The following SOX6 variants were observed in gnomAD, a reference collection of about 807,000 sequenced individuals.
SOX6 encodes the protein transcription factor SOX-6.
SOX6 carries 11 observed loss-of-function variants against 97.8 expected under a neutral mutation model. The observed-to-expected ratio is 0.11, with a 90% CI of 0.07 to 0.19. The LOEUF (loss-of-function observed/expected upper bound fraction) is 0.19, where lower values mean the gene tolerates loss of function less well. Ranked by LOEUF, SOX6 falls within the 10% of genes least tolerant of loss-of-function variation. SOX6 has a pLI of 1.00. For missense variants in SOX6, 810 were observed against 1,039.5 expected (o/e 0.78, Z 3.04); for synonymous variants, 360 against 371.4 (o/e 0.97, Z 0.35).
At chr11:16,667,463 T>G (rs1462043904) in intron 3 of SOX6, among the ~76,000 whole-genome samples, 1 of 150,356 alleles carries the variant, frequency 6.7e-6, no homozygotes, top group Non-Finnish European at 1.5e-5. Context: ...ACAAAGGAGC[T>G]CCAATATGTC....
intron 3 of SOX6, among the ~76,000 whole-genome samples, chr11:16,642,361 A>C (rs1848931508): frequency 6.6e-6 from 1 of 151,606 alleles, no homozygotes; most frequent in Admixed American, 6.6e-5. Context: ...TTTTTCCTTC[A>C]TTTCAACTTT....
chr11:16,141,715 C>A (rs1292465085), intron 6 of SOX6, among the ~76,000 whole-genome samples: 1 of 152,202 alleles, frequency 6.6e-6, no homozygotes, highest in East Asian at 1.9e-4. Context: ...TATTCGGCGC[C>A]TGGCTCAGAG....
chr11:16,502,823 C>T (rs1860728576), intron 4 of SOX6, among the ~76,000 whole-genome samples: 1 of 152,002 alleles, frequency 6.6e-6, no homozygotes, highest in African/African-American at 2.4e-5. Context: ...CTAAAAACTC[C>T]CCACATCTAG....
chr11:16,721,151 C>T (rs188098353), intron 2 of SOX6, among the ~76,000 whole-genome samples: 1 of 152,214 alleles, frequency 6.6e-6, no homozygotes, highest in Non-Finnish European at 1.5e-5. Flanking sequence ...AAGGCAAGGA[C>T]GCTTGATTAA....
At chr11:16,379,283 A>G (rs1288575982) in intron 1 of SOX6, among the ~76,000 whole-genome samples, 4 of 152,104 alleles carry the variant, frequency 2.6e-5, no homozygotes, top group Non-Finnish European at 4.4e-5. Flanking sequence ...CCTGACCAAC[A>G]TGGAGAAACC....
intron 4 of SOX6, among the ~76,000 whole-genome samples, chr11:16,215,754 C>T (rs1259208677): frequency 6.6e-6 from 1 of 152,050 alleles, no homozygotes; most frequent in Non-Finnish European, 1.5e-5. Flanking sequence ...AAATTATAGG[C>T]TTTTTCTGTA....
intron 15 of SOX6, among the ~76,000 whole-genome samples, chr11:15,977,110 C>T (rs538180456): frequency 1.3e-5 from 2 of 152,174 alleles, no homozygotes; most frequent in African/African-American, 4.8e-5. Flanking sequence ...TTTATCTACC[C>T]CCTGCCTGAT....
At chr11:16,158,691 G>GA in intron 6 of SOX6, among the ~76,000 whole-genome samples, 1 of 151,900 alleles carries the variant, frequency 6.6e-6, no homozygotes. Flanking sequence ...TAGGAATTCA[G>GA]AAAAAAGATC....
chr11:16,393,979 A>T (rs910910473), intron 1 of SOX6, among the ~76,000 whole-genome samples: 29 of 151,940 alleles, frequency 1.9e-4, no homozygotes, highest in Admixed American at 1.2e-3. Context: ...TTAAAAAGGA[A>T]AAACAAGGTT....
chr11:16,162,088 A>T (rs1850764094), intron 6 of SOX6, among the ~76,000 whole-genome samples: 1 of 152,332 alleles, frequency 6.6e-6, no homozygotes, highest in African/African-American at 2.4e-5. Flanking sequence ...TCAAAACTTT[A>T]AGTTCAGGAT....
intron 9 of SOX6, among the ~76,000 whole-genome samples, chr11:16,072,468 CT>C (rs1329104671): frequency 6.6e-6 from 1 of 152,160 alleles, no homozygotes; most frequent in African/African-American, 2.4e-5. Flanking sequence ...AAATCTATGA[CT>C]CTTTGATGCC....
At chr11:16,381,924 T>G (rs1018651404) in intron 1 of SOX6, among the ~76,000 whole-genome samples, 2 of 151,962 alleles carry the variant, frequency 1.3e-5, no homozygotes, top group African/African-American at 2.4e-5. Flanking sequence ...TAAAACAATT[T>G]GTTAAGGTAG....
At chr11:16,035,175 T>G (rs1259328440) in intron 12 of SOX6, among the ~76,000 whole-genome samples, 2 of 152,160 alleles carry the variant, frequency 1.3e-5, no homozygotes, top group Non-Finnish European at 2.9e-5. Flanking sequence ...TGTGTGACCT[T>G]CTTTTCAAGG....
chr11:16,428,305 T>G (rs1859194811), intron 1 of SOX6, among the ~76,000 whole-genome samples: 1 of 151,884 alleles, frequency 6.6e-6, no homozygotes, highest in African/African-American at 2.4e-5. Flanking sequence ...TAGTTTCTTT[T>G]GCTGTGCAGA....
At chr11:16,114,541 A>T (rs1165781593) in intron 6 of SOX6, among the ~76,000 whole-genome samples, 1 of 152,176 alleles carries the variant, frequency 6.6e-6, no homozygotes, top group Non-Finnish European at 1.5e-5. Context: ...ACTAGAAATT[A>T]TCAAATTACT....
At chr11:16,609,510 T>C (rs926355423) in intron 4 of SOX6, among the ~76,000 whole-genome samples, 2 of 152,214 alleles carry the variant, frequency 1.3e-5, no homozygotes, top group African/African-American at 2.4e-5. Flanking sequence ...GAAAGTTTCA[T>C]GGCAATCTAA....
intron 4 of SOX6, among the ~76,000 whole-genome samples, chr11:16,548,305 G>A (rs1055309318): frequency 6.6e-6 from 1 of 152,126 alleles, no homozygotes; most frequent in African/African-American, 2.4e-5. Flanking sequence ...AATACAGAAT[G>A]GCAATGTAGA....
At chr11:16,594,864 G>C (rs1848194139) in intron 4 of SOX6, among the ~76,000 whole-genome samples, 1 of 151,618 alleles carries the variant, frequency 6.6e-6, no homozygotes, top group Non-Finnish European at 1.5e-5. Flanking sequence ...ATAATTTTTT[G>C]TAGTTTTTAG....
At chr11:16,177,684 T>C (rs1389340817) in intron 6 of SOX6, among the ~76,000 whole-genome samples, 1 of 150,504 alleles carries the variant, frequency 6.6e-6, no homozygotes, top group East Asian at 2.0e-4. Flanking sequence ...TAGTACATAC[T>C]AGAAGAGTAT....
Sources: allele counts gnomAD v4.1 joint callset (sites outside exome capture counted in the v4.1 genomes callset), GRCh38; gene constraint gnomAD v4.1.1; transcripts MANE v1.5; gene names NCBI Gene and HGNC (gene_info 2026-07-23, HGNC 2026-07-21).